AREL1: variants seen among roughly 807,000 people sequenced by gnomAD.
AREL1 encodes the protein apoptosis-resistant E3 ubiquitin protein ligase 1.
AREL1 carries 62 observed loss-of-function variants against 99.0 expected under a neutral mutation model. The ratio of observed to expected loss-of-function variants is 0.63; its 90% CI spans 0.51 to 0.77. AREL1 has a LOEUF of 0.77. Among genes scored for constraint, AREL1 ranks in the 30% least tolerant of loss-of-function variants. The probability of loss-of-function intolerance (pLI) is 0.00; values close to 1 mark genes in which losing one functional copy is unlikely to be tolerated. For missense variants in AREL1, 879 were observed against 1,027.6 expected (o/e 0.86, Z 1.98); for synonymous variants, 380 against 376.5 (o/e 1.01, Z -0.11).
chr14:74,705,043 G>GC (rs550294465), intron 1 of AREL1, among the ~76,000 whole-genome samples: 3 of 143,966 alleles, frequency 2.1e-5, no homozygotes, highest in Non-Finnish European at 4.6e-5. Context: ...GTCTTCTGTT[G>GC]TTTTTTTTTT....
At chr14:74,702,909 A>G (rs1166541586) in intron 1 of AREL1, among the ~76,000 whole-genome samples, 4 of 152,160 alleles carry the variant, frequency 2.6e-5, no homozygotes. Context: ...TCTCCATCTG[A>G]GACCACCTCA....
chr14:74,688,286 A>G (rs2089794062), intron 2 of AREL1, among the ~76,000 whole-genome samples: 1 of 151,924 alleles, frequency 6.6e-6, no homozygotes, highest in South Asian at 2.1e-4. Context: ...CAGCCTCCCA[A>G]AGTGCTGGGA....
rs899819351 is a variant in AREL1 at position 74,676,187 on chromosome 14, T to G, written c.786A>C (p.Gln262His). Residue 262 changes from glutamine (Q) to histidine (H), a missense_variant, in exon 7 of 20, where the codon CAA (glutamine) becomes CAC (histidine). Transcript: ENST00000356357. ...ATTCACCATTATTGATTGGCTGATTTTGGTATGAAATGCAAGCATGGAAGC... is the reference window on the plus strand; with the variant it reads ...ATTCACCATTATTGATTGGCTGATTGTGGTATGAAATGCAAGCATGGAAGC... ...RGCFHACISYQNQPINNGEFD... is the reference protein window; with the variant it reads ...RGCFHACISYHNQPINNGEFD... 4.3e-6 allele frequency: 7 copies of G among 1,613,966 alleles called. No individual in the cohort carries two copies. The African/African-American group carries it at 9.3e-5, about 22-fold the overall frequency.
chr14:74,668,468 A>AT (rs199862616), intron 15 of AREL1, among the ~76,000 whole-genome samples: 16 of 150,376 alleles, frequency 1.1e-4, no homozygotes, highest in African/African-American at 1.5e-4. Context: ...ACAATCCTGG[A>AT]TTTTTTTTTT....
At chr14:74,695,072 CTTTT>C (rs1248011436) in intron 1 of AREL1, among the ~76,000 whole-genome samples, 4 of 126,088 alleles carry the variant, frequency 3.2e-5, no homozygotes, top group East Asian at 4.9e-4. Context: ...TTCTTTCCTT[CTTTT>C]TTTTTTTTTT....
At chr14:74,694,175 AAAATAAATAAAT>A (rs3080652) in intron 1 of AREL1, among the ~76,000 whole-genome samples, 3 of 150,554 alleles carry the variant, frequency 2.0e-5, no homozygotes, top group Non-Finnish European at 1.5e-5. Context: ...ACCCAGTCTC[AAAATAAATAAAT>A]AAATAAATAA....
chr14:74,703,300 A>T (rs1284800948), intron 1 of AREL1, among the ~76,000 whole-genome samples: 1 of 152,210 alleles, frequency 6.6e-6, no homozygotes. Flanking sequence ...AGCCAAGCGA[A>T]AGGGGAAATC....
chr14:74,703,084 G>T (rs1051501626), intron 1 of AREL1, among the ~76,000 whole-genome samples: 1 of 151,992 alleles, frequency 6.6e-6, no homozygotes, highest in African/African-American at 2.4e-5. Context: ...ATATTTTCAG[G>T]TATCTTTACA....
At chr14:74,691,284 C>A (rs558589238) in intron 2 of AREL1, 1 of 139,414 alleles carries the variant, frequency 7.2e-6, no homozygotes, top group African/African-American at 2.7e-5. Context: ...TGTGCTACTG[C>A]ACTCCAGCCT....
At chr14:74,692,891 T>C (rs1228416004) in intron 1 of AREL1, among the ~76,000 whole-genome samples, 1 of 152,102 alleles carries the variant, frequency 6.6e-6, no homozygotes, top group Non-Finnish European at 1.5e-5. Flanking sequence ...GTGTTTTTTG[T>C]AGAGACGGGG....
At chr14:74,703,526 T>C (rs758705729) in intron 1 of AREL1, among the ~76,000 whole-genome samples, 2 of 152,212 alleles carry the variant, frequency 1.3e-5, no homozygotes, top group Non-Finnish European at 2.9e-5. Flanking sequence ...TTGGAGTGTC[T>C]ACAGGATATC....
chr14:74,683,235 CA>C, intron 5 of AREL1, 60 bp downstream of exon 5: 2 of 1,198,094 alleles, frequency 1.7e-6, no homozygotes, highest in Non-Finnish European at 2.4e-6. Context: ...AAAGGAAAGA[CA>C]GGATGGAAAG....
chr14:74,707,891 A>T (rs28464554), intron 1 of AREL1, among the ~76,000 whole-genome samples: 1 of 148,628 alleles, frequency 6.7e-6, no homozygotes, highest in African/African-American at 2.5e-5. Context: ...CGGGAGGCGG[A>T]GCTTGCAGTG....
chr14:74,689,651 G>A lies in AREL1; in HGVS notation c.-46+2390C>T, dbSNP rs539452057. On this transcript the variant is annotated intron_variant, in intron 2 of 19. Transcript: ENST00000356357. ...TCACTCTTGTTGCCCAGGCTGGAGTGCAATGGCGTGATCTCAGCTCACCGC... is the reference window on the plus strand; with the variant it reads ...TCACTCTTGTTGCCCAGGCTGGAGTACAATGGCGTGATCTCAGCTCACCGC... 1.7e-4 allele frequency among the ~76,000 whole-genome samples: 24 copies of A among 137,256 alleles called. 1 individual carries two copies. In the South Asian group the frequency reaches 5.5e-3, roughly 32 times the overall value. 90.0% of individuals were successfully genotyped at this position (137,256 alleles called of 152,430 possible).
intron 2 of AREL1, among the ~76,000 whole-genome samples, chr14:74,688,313 C>T (rs994110792): frequency 5.9e-5 from 9 of 152,106 alleles, no homozygotes; most frequent in Non-Finnish European, 8.8e-5. Flanking sequence ...GCGTGAGCCA[C>T]CACGCCCGGC....
At chr14:74,664,408 C>T (rs1466129881) in intron 18 of AREL1, among the ~76,000 whole-genome samples, 3 of 149,490 alleles carry the variant, frequency 2.0e-5, no homozygotes, top group African/African-American at 7.4e-5. Context: ...GAAAACATAT[C>T]AACTGCTTTG....
chr14:74,665,392 C>T (rs1317935736), intron 17 of AREL1, among the ~76,000 whole-genome samples: 3 of 151,500 alleles, frequency 2.0e-5, no homozygotes, highest in South Asian at 2.1e-4. Flanking sequence ...GGATTACAGG[C>T]GAGGTATTTC....
chr14:74,672,760 G>C, intron 11 of AREL1, 71 bp downstream of exon 11: 1 of 1,595,138 alleles, frequency 6.3e-7, no homozygotes, highest in Non-Finnish European at 8.5e-7. Flanking sequence ...AACAAAAACA[G>C]TAACCTGCAG....
chr14:74,663,356 A>G lies in AREL1; in HGVS notation c.*364T>C, dbSNP rs2089129287. On this transcript the variant is annotated 3_prime_UTR_variant, in exon 20 of 20. Coordinates refer to ENST00000356357, the MANE Select transcript of AREL1 (RefSeq NM_001039479.2). ...GGAGTATCAGCAGAGGGAGTTTTGG[A>G]GCACAGTGTGGATTTAAGGGTCTCC... The G allele has an allele frequency of 1.0e-5, 3 of 298,474 alleles. No individual in the cohort carries two copies. Among genetic ancestry groups the G allele is most frequent in the African/African-American group, 2.1e-5 (1 of 46,558 alleles). 18.5% of individuals were successfully genotyped at this position (298,474 alleles called of 1,614,324 possible).
Sources: gnomAD v4.1 joint callset for allele counts (sites outside exome capture counted in the v4.1 genomes callset) on GRCh38, gnomAD v4.1.1 for gene constraint, MANE v1.5 for transcripts, NCBI Gene and HGNC (gene_info 2026-07-23, HGNC 2026-07-21) for gene names.